SLMAP: variants seen among roughly 807,000 people sequenced by gnomAD.
SLMAP encodes sarcolemma associated protein.
Under a neutral mutation model 128.8 loss-of-function variants are expected in SLMAP, and 44 were observed. The observed-to-expected ratio is 0.34, with a 90% CI of 0.27 to 0.44. The LOEUF is 0.44. Ranked by LOEUF, SLMAP falls within the 20% of genes least tolerant of loss-of-function variation. SLMAP has a pLI of 1.00. For synonymous variants in SLMAP, 327 were observed against 348.8 expected (o/e 0.94, Z 0.70); for missense variants, 787 against 985.3 (o/e 0.80, Z 2.69).
At position 57,839,835 on chromosome 3, in the gene SLMAP, A is replaced by G. The variant is rs560504801; in HGVS notation, c.347-1464A>G. Among the ~76,000 whole-genome samples, 10 of 152,046 alleles carry G rather than the reference A, an allele frequency of 6.6e-5. No homozygotes were observed. The East Asian group carries it at 1.9e-3, about 29-fold the overall frequency. On this transcript the variant is annotated intron_variant, in intron 3 of 24. Transcript: ENST00000671191. ...CTCCCAAGGTGCTAGGATTACAGGC[A>G]TAAGCCACCATGCCTGGCCTAATTT...
intron 18 of SLMAP, 98 bp from the exon 19 acceptor site, chr3:57,908,978 T>G: frequency 1.2e-6 from 1 of 812,644 alleles, no homozygotes; most frequent in Non-Finnish European, 2.0e-6. Flanking sequence ...TCAATAATCT[T>G]TTAGGAGAGA....
intron 2 of SLMAP, among the ~76,000 whole-genome samples, chr3:57,816,799 A>G (rs1025699704): frequency 6.6e-6 from 1 of 152,204 alleles, no homozygotes; most frequent in Non-Finnish European, 1.5e-5. Context: ...CTTATTTGTT[A>G]AGCTATTTAA....
rs140060911 is a variant in SLMAP at position 57,803,183 on chromosome 3, A to G, written c.199-28200A>G. Reference sequence around the variant, plus strand: ...TTTGATTCCATGAAAAATGACAAAAATGGAAATTGGGCATGTTTGCATTCA... The same window carrying G: ...TTTGATTCCATGAAAAATGACAAAAGTGGAAATTGGGCATGTTTGCATTCA... On this transcript the variant is annotated intron_variant, in intron 2 of 24. Transcript: ENST00000671191. 4.6e-5 allele frequency among the ~76,000 whole-genome samples: 7 copies of G among 152,254 alleles called. No individual in the cohort carries two copies. In the East Asian group the frequency reaches 9.6e-4, roughly 21 times the overall value.
Position 57,846,713 on chromosome 3 carries a change from C to T in SLMAP, c.420-484C>T, listed in dbSNP as rs578103967. Among the ~76,000 whole-genome samples, 6 of 151,944 alleles carry T rather than the reference C, an allele frequency of 3.9e-5. No homozygotes were observed. In the South Asian group the frequency reaches 6.2e-4, roughly 16 times the overall value. On this transcript the variant is annotated intron_variant, in intron 4 of 24. Coordinates refer to ENST00000671191, the MANE Select transcript of SLMAP (RefSeq NM_001377540.1). ...CTGGGACTAATGGTGTGCGCCACCA[C>T]GCCCAGCTAATTTTTTTATATTTTT... is the stretch of plus-strand genomic sequence containing the variant.
rs576723806 is a variant in SLMAP, at chr3:57,871,900, G to C, written c.1300+202G>C. ...TGCATTTGCCTTCACAGATGGAGCT[G>C]AGCATTTCATAATAGCTACCATAAA... is the stretch of plus-strand genomic sequence containing the variant. On this transcript the variant is annotated intron_variant, in intron 14 of 24. Transcript: ENST00000671191. Among the ~76,000 whole-genome samples the C allele has an allele frequency of 1.2e-4, 18 of 152,272 alleles. No homozygotes were observed. The East Asian group carries it at 2.9e-3, about 24-fold the overall frequency.
At position 57,801,283 on chromosome 3, in the gene SLMAP, G is replaced by A. The variant is rs138022654; in HGVS notation, c.199-30100G>A. On this transcript the variant is annotated intron_variant, in intron 2 of 24. Transcript: ENST00000671191. ...AAAGGTCCATTTTTAAATTCCATTT[G>A]ATGAACAGTCTGCGTCATCCTGTAA... 630 of 152,784 alleles carry A rather than the reference G, an allele frequency of 4.1e-3. 6 individuals are homozygous for A. Among genetic ancestry groups the A allele is most frequent in the African/African-American group, 0.015 (610 of 41,556 alleles). 9.5% of individuals were successfully genotyped at this position (152,784 alleles called of 1,614,324 possible).
At chr3:57,789,466 C>T (rs1049898567) in intron 2 of SLMAP, among the ~76,000 whole-genome samples, 1 of 152,078 alleles carries the variant, frequency 6.6e-6, no homozygotes, top group Non-Finnish European at 1.5e-5. Flanking sequence ...GTTCAGACAT[C>T]ACCTGAGGGA....
intron 14 of SLMAP, among the ~76,000 whole-genome samples, chr3:57,876,450 T>C (rs2095605751): frequency 1.3e-5 from 2 of 152,254 alleles, no homozygotes; most frequent in South Asian, 4.1e-4. Context: ...ATTTCAGAAC[T>C]GTAAAGTAAA....
intron 2 of SLMAP, among the ~76,000 whole-genome samples, chr3:57,802,179 T>C (rs1357874924): frequency 6.6e-6 from 1 of 152,158 alleles, no homozygotes; most frequent in African/African-American, 2.4e-5. Context: ...AATTCAGCTG[T>C]AAAACAATTG....
At chr3:57,796,290 A>C (rs1481102488) in intron 2 of SLMAP, among the ~76,000 whole-genome samples, 1 of 152,226 alleles carries the variant, frequency 6.6e-6, no homozygotes, top group Non-Finnish European at 1.5e-5. Context: ...GTAAAATAAA[A>C]GTCCCTCAGC....
chr3:57,802,378 A>G (rs1284907051), intron 2 of SLMAP, among the ~76,000 whole-genome samples: 4 of 152,128 alleles, frequency 2.6e-5, no homozygotes, highest in African/African-American at 9.6e-5. Flanking sequence ...CCTGGGTTCA[A>G]ACGATTCTCC....
intron 6 of SLMAP, among the ~76,000 whole-genome samples, chr3:57,852,726 A>G (rs1162955979): frequency 6.6e-6 from 1 of 152,208 alleles, no homozygotes; most frequent in Non-Finnish European, 1.5e-5. Flanking sequence ...GGGCTCATAT[A>G]GGTTAAATTA....
intron 4 of SLMAP, 43 bp downstream of exon 4, chr3:57,841,414 A>G (rs981314389): frequency 8.7e-7 from 1 of 1,154,352 alleles, no homozygotes; most frequent in Non-Finnish European, 1.3e-6. Flanking sequence ...GAAGTTTAGT[A>G]CTGTAAAGAA....
chr3:57,867,162 G>A (rs565469007), intron 13 of SLMAP, among the ~76,000 whole-genome samples: 7 of 152,332 alleles, frequency 4.6e-5, no homozygotes, highest in Admixed American at 4.6e-4. Context: ...CTGGGCAACA[G>A]AGTGAGACTC....
intron 2 of SLMAP, among the ~76,000 whole-genome samples, chr3:57,804,107 G>A (rs1054731755): frequency 6.6e-6 from 1 of 152,188 alleles, no homozygotes; most frequent in African/African-American, 2.4e-5. Flanking sequence ...CTGCCAAAAA[G>A]TGTTAAAGTA....
At chr3:57,774,487 G>T (rs1408435252) in intron 2 of SLMAP, among the ~76,000 whole-genome samples, 1 of 149,526 alleles carries the variant, frequency 6.7e-6, no homozygotes, top group African/African-American at 2.5e-5. Flanking sequence ...TTAGGCACAA[G>T]AGAAATTAGA....
At chr3:57,864,887 C>A in intron 12 of SLMAP, 30 bp downstream of exon 12, 1 of 1,517,650 alleles carries the variant, frequency 6.6e-7, no homozygotes, top group Non-Finnish European at 8.8e-7. Flanking sequence ...CTTACTTAAA[C>A]CTGAATTTTA....
intron 7 of SLMAP, 28 bp downstream of exon 7, chr3:57,857,856 A>G: frequency 7.0e-7 from 1 of 1,418,716 alleles, no homozygotes; most frequent in Non-Finnish European, 9.9e-7. Flanking sequence ...TATTTAAGAA[A>G]CATTTAAACA....
intron 22 of SLMAP, 141 bp from the exon 23 acceptor site, chr3:57,922,748 A>T: frequency 1.3e-6 from 1 of 756,960 alleles, no homozygotes; most frequent in Non-Finnish European, 2.1e-6. Flanking sequence ...TATGAGTGCA[A>T]GTTATTCCTC....
Sources: allele counts gnomAD v4.1 joint callset (sites outside exome capture counted in the v4.1 genomes callset), GRCh38; gene constraint gnomAD v4.1.1; transcripts MANE v1.5; gene names NCBI Gene and HGNC (gene_info 2026-07-23, HGNC 2026-07-21).